Variants in KSR2 observed in about 807,000 individuals in gnomAD.
KSR2 encodes the protein kinase suppressor of ras 2.
Under a neutral mutation model 107.8 loss-of-function variants are expected in KSR2, and 25 were observed. That is an observed-to-expected ratio of 0.23 (90% CI 0.17 to 0.32). The LOEUF (loss-of-function observed/expected upper bound fraction) is 0.32, where lower values mean the gene tolerates loss of function less well. Among genes scored for constraint, KSR2 ranks in the 10% least tolerant of loss-of-function variants. The pLI is 1.00. For missense variants in KSR2, 887 were observed against 1,268.9 expected (o/e 0.70, Z 4.57); for synonymous variants, 480 against 507.0 (o/e 0.95, Z 0.71).
intron 3 of KSR2, among the ~76,000 whole-genome samples, chr12:117,847,179 C>A (rs1330307655): frequency 6.6e-6 from 1 of 152,166 alleles, no homozygotes; most frequent in Admixed American, 6.5e-5. Context: ...TCTTCCTCTG[C>A]CAGCCCAGCC....
At chr12:117,761,728 A>G (rs1289229186) in intron 3 of KSR2, among the ~76,000 whole-genome samples, 1 of 152,190 alleles carries the variant, frequency 6.6e-6, no homozygotes, top group Non-Finnish European at 1.5e-5. Context: ...TGTGCCCATT[A>G]CATCATATGC....
intron 1 of KSR2, among the ~76,000 whole-genome samples, chr12:117,931,371 G>A (rs1156714033): frequency 6.6e-6 from 1 of 152,068 alleles, no homozygotes; most frequent in African/African-American, 2.4e-5. Flanking sequence ...AATAGTTAGG[G>A]ACCAGGGCTT....
In KSR2 at chr12:117,524,844, G is replaced by C; in HGVS notation, c.2219+8C>G. 4 of 1,600,470 alleles carry C rather than the reference G, an allele frequency of 2.5e-6. No homozygotes were observed. The highest frequency in any genetic ancestry group is 1.7e-4 in the Middle Eastern group (1 of 5,910). On this transcript the variant is annotated splice_region_variant and intron_variant, in intron 14 of 19. Coordinates refer to ENST00000339824, the MANE Select transcript of KSR2 (RefSeq NM_173598.6). ...CAATCCCTGGGTAGAAGCCCAGGTG[G>C]AACTGACCTGGTGATGATGGCCAGG...
intron 4 of KSR2, among the ~76,000 whole-genome samples, chr12:117,668,019 C>T (rs1884740435): frequency 6.6e-6 from 1 of 152,160 alleles, no homozygotes. Flanking sequence ...GCCCCCAACC[C>T]GTGGCCAAGC....
intron 5 of KSR2, among the ~76,000 whole-genome samples, chr12:117,590,912 A>G (rs568804029): frequency 1.6e-4 from 25 of 152,322 alleles, no homozygotes; most frequent in African/African-American, 5.8e-4. Context: ...GAGCCAGAAG[A>G]CCAGGATTCA....
intron 4 of KSR2, among the ~76,000 whole-genome samples, chr12:117,704,858 C>CAAAAA (rs35848973): frequency 7.7e-6 from 1 of 129,772 alleles, no homozygotes; most frequent in Non-Finnish European, 1.7e-5. Flanking sequence ...GACTTCATCT[C>CAAAAA]AAAAAAAAAA....
intron 4 of KSR2, among the ~76,000 whole-genome samples, chr12:117,722,010 C>A (rs1316727640): frequency 6.6e-6 from 1 of 152,140 alleles, no homozygotes; most frequent in East Asian, 1.9e-4. Flanking sequence ...GCTAGCGCAA[C>A]TGAAGAATTA....
intron 5 of KSR2, among the ~76,000 whole-genome samples, chr12:117,656,995 T>TAGG (rs1311986133): frequency 8.2e-6 from 1 of 122,166 alleles, no homozygotes; most frequent in Non-Finnish European, 1.7e-5. Flanking sequence ...TATATATATA[T>TAGG]ATATATATAT....
At chr12:117,830,343 G>A (rs1377194044) in intron 3 of KSR2, among the ~76,000 whole-genome samples, 1 of 151,848 alleles carries the variant, frequency 6.6e-6, no homozygotes, top group African/African-American at 2.4e-5. Context: ...AAGGCACAGG[G>A]GACTCCTAGA....
chr12:117,570,490 T>C (rs568807296), intron 7 of KSR2, among the ~76,000 whole-genome samples: 26 of 152,210 alleles, frequency 1.7e-4, no homozygotes, highest in African/African-American at 5.3e-4. Context: ...TTCCAAGAAG[T>C]TGGCTGATTC....
chr12:117,779,718 G>T (rs187143461), intron 3 of KSR2, among the ~76,000 whole-genome samples: 1 of 152,102 alleles, frequency 6.6e-6, no homozygotes, highest in African/African-American at 2.4e-5. Context: ...CTTTCCTGCC[G>T]CCTTGTGAAG....
At position 117,466,921 on chromosome 12, in the gene KSR2, C is replaced by T. The variant is rs1394378560; in HGVS notation, c.*278G>A. 2.6e-6 allele frequency: 1 copy of T among 379,034 alleles called. No individual in the cohort carries two copies. Among genetic ancestry groups the T allele is most frequent in the East Asian group, 3.8e-5 (1 of 26,320 alleles). 23.5% of individuals were successfully genotyped at this position (379,034 alleles called of 1,614,324 possible). On this transcript the variant is annotated 3_prime_UTR_variant, in exon 20 of 20. Transcript: ENST00000339824. ...GGCACCACGTGCAGCCTGCAGTGCT[C>T]TCATTAGTGCTGTCCCCTGGGCCGC...
chr12:117,602,272 T>A (rs1021330000), intron 5 of KSR2, among the ~76,000 whole-genome samples: 1 of 152,246 alleles, frequency 6.6e-6, no homozygotes, highest in Non-Finnish European at 1.5e-5. Context: ...TAAAAGTGTG[T>A]GATTCCATTG....
intron 8 of KSR2, among the ~76,000 whole-genome samples, chr12:117,556,259 G>A (rs149951149): frequency 0.011 from 1,711 of 152,250 alleles, 30 homozygotes; most frequent in African/African-American, 0.039. Context: ...GCCTCTGAAA[G>A]CCATCACCTT....
chr12:117,760,767 C>A (rs979347089), intron 4 of KSR2, among the ~76,000 whole-genome samples: 1 of 152,086 alleles, frequency 6.6e-6, no homozygotes, highest in African/African-American at 2.4e-5. Context: ...AAAATCAGGC[C>A]GGGTATCAGA....
At chr12:117,776,553 T>C (rs1889691292) in intron 3 of KSR2, among the ~76,000 whole-genome samples, 1 of 152,012 alleles carries the variant, frequency 6.6e-6, no homozygotes, top group Non-Finnish European at 1.5e-5. Flanking sequence ...TTCAAGTATA[T>C]CTATATTGCT....
chr12:117,715,208 C>T (rs1886932954), intron 4 of KSR2, among the ~76,000 whole-genome samples: 1 of 152,190 alleles, frequency 6.6e-6, no homozygotes, highest in Non-Finnish European at 1.5e-5. Context: ...AGAATCTGTG[C>T]TCCCTCAAAA....
chr12:117,953,591 G>C (rs565129450), intron 1 of KSR2, among the ~76,000 whole-genome samples: 2 of 152,258 alleles, frequency 1.3e-5, no homozygotes, highest in African/African-American at 2.4e-5. Flanking sequence ...ACTTACATGA[G>C]GTACCTAGAG....
At chr12:117,836,822 A>G (rs1416155421) in intron 3 of KSR2, among the ~76,000 whole-genome samples, 1 of 152,240 alleles carries the variant, frequency 6.6e-6, no homozygotes, top group Non-Finnish European at 1.5e-5. Flanking sequence ...CATTCTTTAG[A>G]CAGCCTCTCG....
Sources: allele counts gnomAD v4.1 joint callset (sites outside exome capture counted in the v4.1 genomes callset), GRCh38; gene constraint gnomAD v4.1.1; transcripts MANE v1.5; gene names NCBI Gene and HGNC (gene_info 2026-07-23, HGNC 2026-07-21).